Variants in DIRAS2 observed in about 807,000 individuals in gnomAD.
DIRAS2 encodes the protein GTP-binding protein Di-Ras2.
Under a neutral mutation model 13.9 loss-of-function variants are expected in DIRAS2, and 5 were observed. The observed-to-expected ratio is 0.36, with a 90% CI of 0.19 to 0.76. The LOEUF is 0.76. DIRAS2 is among the 30% of genes least tolerant of loss of function. The pLI, the probability that DIRAS2 is intolerant of heterozygous loss-of-function variation, is 0.53. For missense variants in DIRAS2, 191 were observed against 263.0 expected (o/e 0.73, Z 1.89); for synonymous variants, 111 against 105.4 (o/e 1.05, Z -0.33).
chr9:90,630,388 G>A (rs1400257182), intron 1 of DIRAS2, among the ~76,000 whole-genome samples: 1 of 152,202 alleles, frequency 6.6e-6, no homozygotes, highest in Admixed American at 6.5e-5. Flanking sequence ...CTTACACAAA[G>A]ATATGTGATA....
At chr9:90,636,556 A>G (rs1825373244) in intron 1 of DIRAS2, among the ~76,000 whole-genome samples, 1 of 152,216 alleles carries the variant, frequency 6.6e-6, no homozygotes, top group Non-Finnish European at 1.5e-5. Flanking sequence ...TTAACTCACA[A>G]TGGCAACTTA....
intron 1 of DIRAS2, among the ~76,000 whole-genome samples, chr9:90,639,829 G>T (rs1363309091): frequency 6.6e-6 from 1 of 152,200 alleles, no homozygotes; most frequent in Non-Finnish European, 1.5e-5. Flanking sequence ...GGAAAGAGAA[G>T]GACACATAAC....
At chr9:90,624,191 A>G (rs1168114451) in intron 1 of DIRAS2, among the ~76,000 whole-genome samples, 1 of 152,202 alleles carries the variant, frequency 6.6e-6, no homozygotes, top group Non-Finnish European at 1.5e-5. Context: ...AGAAACAACA[A>G]TCAACAAAAT....
At chr9:90,640,435 G>A (rs1292494949) in intron 1 of DIRAS2, among the ~76,000 whole-genome samples, 1 of 152,190 alleles carries the variant, frequency 6.6e-6, no homozygotes, top group Non-Finnish European at 1.5e-5. Context: ...TTTGACACCA[G>A]TTAAATAACT....
At chr9:90,627,353 G>A (rs1825279561) in intron 1 of DIRAS2, among the ~76,000 whole-genome samples, 1 of 152,284 alleles carries the variant, frequency 6.6e-6, no homozygotes, top group East Asian at 1.9e-4. Context: ...CCTTAAATGG[G>A]AAGAAAACTC....
intron 1 of DIRAS2, among the ~76,000 whole-genome samples, chr9:90,623,316 G>C (rs575287185): frequency 6.6e-6 from 1 of 152,108 alleles, no homozygotes; most frequent in South Asian, 2.1e-4. Flanking sequence ...TCTGTTTATC[G>C]ACAGGCCATC....
chr9:90,611,691 G>T lies in DIRAS2; in HGVS notation c.*1537C>A, dbSNP rs1361508493. The T allele has an allele frequency of 6.6e-5, 10 of 152,278 alleles. No individual in the cohort carries two copies. Among genetic ancestry groups the T allele is most frequent in the Admixed American group, 3.3e-4 (5 of 15,284 alleles). 9.4% of individuals were successfully genotyped at this position (152,278 alleles called of 1,614,324 possible). On this transcript the variant is annotated 3_prime_UTR_variant, in exon 2 of 2. Transcript: ENST00000375765. ...GACACTGCCACCCAACAGCCATGCA[G>T]CCCCCACCCCCCCAGGCAGGCCCAC... is the stretch of plus-strand genomic sequence containing the variant.
intron 1 of DIRAS2, among the ~76,000 whole-genome samples, chr9:90,622,905 T>C (rs1207301663): frequency 6.6e-6 from 1 of 152,202 alleles, no homozygotes. Context: ...TCTTCTATTT[T>C]AAAAAATTAC....
intron 1 of DIRAS2, among the ~76,000 whole-genome samples, chr9:90,632,662 A>T (rs957735561): frequency 3.9e-5 from 6 of 152,192 alleles, no homozygotes; most frequent in Non-Finnish European, 7.4e-5. Flanking sequence ...CCTGTCTCCC[A>T]GTACTTGAAC....
chr9:90,626,393 G>T lies in DIRAS2; in HGVS notation c.-36-12530C>A, dbSNP rs562931489. 1.5e-3 allele frequency among the ~76,000 whole-genome samples: 233 copies of T among 150,850 alleles called. 1 individual carries two copies. The highest frequency in any genetic ancestry group is 5.4e-3 in the African/African-American group (223 of 41,074). On this transcript the variant is annotated intron_variant, in intron 1 of 1. Coordinates refer to ENST00000375765, the MANE Select transcript of DIRAS2 (RefSeq NM_017594.5). ...AGACTGAGGCAGGAAGATGGTTTGG[G>T]CCAGGAGTTCGTGTCCAGCCTGGGC...
chr9:90,616,974 G>A (rs868251842), intron 1 of DIRAS2, among the ~76,000 whole-genome samples: 6 of 152,306 alleles, frequency 3.9e-5, no homozygotes, highest in Admixed American at 6.5e-5. Context: ...GGGGAATCTA[G>A]CTCTGCCTGG....
chr9:90,619,710 A>C lies in DIRAS2; in HGVS notation c.-36-5847T>G, dbSNP rs766733722. On this transcript the variant is annotated intron_variant, in intron 1 of 1. Transcript: ENST00000375765. Reference sequence around the variant, plus strand: ...CCCCTCCTTTGTATATACCCATGATAAATAAAAACACATAGCCACACAAAA... The same window carrying C: ...CCCCTCCTTTGTATATACCCATGATCAATAAAAACACATAGCCACACAAAA... Among the ~76,000 whole-genome samples the C allele has an allele frequency of 4.9e-4, 75 of 152,340 alleles. 2 individuals are homozygous for C. The Middle Eastern group carries it at 0.017, about 35-fold the overall frequency.
At chr9:90,625,964 A>G (rs1209537448) in intron 1 of DIRAS2, 1 of 152,200 alleles carries the variant, frequency 6.6e-6, no homozygotes. Flanking sequence ...TGGATGGATC[A>G]TGAGGTCAGG....
At chr9:90,626,469 T>C (rs1382339048) in intron 1 of DIRAS2, among the ~76,000 whole-genome samples, 1 of 148,088 alleles carries the variant, frequency 6.8e-6, no homozygotes, top group Non-Finnish European at 1.5e-5. Context: ...GACAAGAAAC[T>C]TGAATAGATA....
At position 90,636,254 on chromosome 9, in the gene DIRAS2, G is replaced by A. The variant is rs200851360; in HGVS notation, c.-37+6498C>T. Among the ~76,000 whole-genome samples the A allele has an allele frequency of 4.3e-4, 65 of 151,824 alleles. No homozygotes were observed. The East Asian group carries it at 7.6e-3, about 18-fold the overall frequency. ...GGGGTTTCACGGTGTTAGCCAGGAT[G>A]GTCTCCATCTCCTGACCTCGTGATC... On this transcript the variant is annotated intron_variant, in intron 1 of 1. Coordinates refer to ENST00000375765, the MANE Select transcript of DIRAS2 (RefSeq NM_017594.5).
At chr9:90,623,318 C>G (rs1424508078) in intron 1 of DIRAS2, among the ~76,000 whole-genome samples, 1 of 152,124 alleles carries the variant, frequency 6.6e-6, no homozygotes, top group Non-Finnish European at 1.5e-5. Context: ...TGTTTATCGA[C>G]AGGCCATCCC....
At chr9:90,638,744 AT>A (rs10713610) in intron 1 of DIRAS2, among the ~76,000 whole-genome samples, 98,856 of 151,684 alleles carry the variant, frequency 0.65, 32,402 homozygotes, top group South Asian at 0.72. Flanking sequence ...ACTGAGCTGG[AT>A]TTTTTTTATG....
chr9:90,614,004 T>G (rs1431535254), intron 1 of DIRAS2, 141 bp from the exon 2 acceptor site: 2 of 928,432 alleles, frequency 2.2e-6, no homozygotes, highest in Non-Finnish European at 1.5e-6. Context: ...TCCAATAAAT[T>G]TGGTCAATCC....
chr9:90,638,390 A>C (rs1308987925), intron 1 of DIRAS2, among the ~76,000 whole-genome samples: 1 of 152,256 alleles, frequency 6.6e-6, no homozygotes, highest in African/African-American at 2.4e-5. Context: ...CATTTCTATT[A>C]TCCAGTAGTT....
Sources: allele counts gnomAD v4.1 joint callset (sites outside exome capture counted in the v4.1 genomes callset), GRCh38; gene constraint gnomAD v4.1.1; transcripts MANE v1.5; gene names NCBI Gene and HGNC (gene_info 2026-07-23, HGNC 2026-07-21).